Variants in ZMYM4 observed in about 807,000 individuals in gnomAD.
The protein encoded by ZMYM4 is zinc finger MYM-type protein 4.
Under a neutral mutation model 183.2 loss-of-function variants are expected in ZMYM4, and 31 were observed. The ratio of observed to expected loss-of-function variants is 0.17; its 90% CI spans 0.13 to 0.23. The LOEUF is 0.23. ZMYM4 is among the 10% of genes least tolerant of loss of function. The probability of loss-of-function intolerance (pLI) is 1.00; values close to 1 mark genes in which losing one functional copy is unlikely to be tolerated. For missense variants in ZMYM4, 1,273 were observed against 1,840.3 expected (o/e 0.69, Z 5.64); for synonymous variants, 592 against 631.2 (o/e 0.94, Z 0.93).
At chr1:35,399,418 C>CTT in intron 22 of ZMYM4, 64 bp from the exon 23 acceptor site, 1 of 1,427,528 alleles carries the variant, frequency 7.0e-7, no homozygotes, top group South Asian at 1.2e-5. Flanking sequence ...CTTTACTAGT[C>CTT]TAAGTCTTTA....
chr1:35,350,518 C>T (rs1347250601), intron 2 of ZMYM4, among the ~76,000 whole-genome samples: 1 of 152,182 alleles, frequency 6.6e-6, no homozygotes, highest in Non-Finnish European at 1.5e-5. Flanking sequence ...AACTCCTGAC[C>T]TCAGGTAATC....
chr1:35,407,998 C>A lies in ZMYM4; in HGVS notation c.3797-10C>A. ...AGTTAATGTTTCAGATGTTTTCTAC[C>A]TTTCCACAGTCCGCTCTATCAAGCT... is the stretch of plus-strand genomic sequence containing the variant. On this transcript the variant is annotated splice_polypyrimidine_tract_variant and intron_variant, in intron 25 of 29. Transcript: ENST00000314607. 6.2e-7 allele frequency: 1 copy of A among 1,614,032 alleles called. No homozygotes were observed. The highest frequency in any genetic ancestry group is 8.5e-7 in the Non-Finnish European group (1 of 1,179,966).
chr1:35,337,666 C>G (rs574222211), intron 2 of ZMYM4, among the ~76,000 whole-genome samples: 1 of 151,842 alleles, frequency 6.6e-6, no homozygotes, highest in African/African-American at 2.4e-5. Flanking sequence ...CAGATAAGGC[C>G]GGGTGTGGTG....
At chr1:35,361,168 G>A in intron 3 of ZMYM4, 26 bp from the exon 4 acceptor site, 1 of 1,559,142 alleles carries the variant, frequency 6.4e-7, no homozygotes, top group Non-Finnish European at 8.7e-7. Context: ...ACATGTGTTT[G>A]TTTGTTTTTT....
At chr1:35,299,049 T>TTTTG (rs538198933) in intron 1 of ZMYM4, among the ~76,000 whole-genome samples, 4 of 151,670 alleles carry the variant, frequency 2.6e-5, no homozygotes, top group African/African-American at 9.7e-5. Context: ...TTTTTTTTTT[T>TTTTG]AAGAAACAGA....
At chr1:35,371,765 G>C (rs1644219504) in intron 7 of ZMYM4, among the ~76,000 whole-genome samples, 1 of 152,158 alleles carries the variant, frequency 6.6e-6, no homozygotes, top group African/African-American at 2.4e-5. Context: ...ATGTTTAAAA[G>C]AAATTTAAAT....
chr1:35,355,497 A>G (rs1570424697), intron 2 of ZMYM4, among the ~76,000 whole-genome samples: 1 of 151,856 alleles, frequency 6.6e-6, no homozygotes, highest in Non-Finnish European at 1.5e-5. Flanking sequence ...TTATATGTGT[A>G]TTTGGTTATT....
At chr1:35,417,238 CAAAAAAAA>C (rs755183094) in intron 28 of ZMYM4, among the ~76,000 whole-genome samples, 2 of 83,548 alleles carry the variant, frequency 2.4e-5, no homozygotes, top group African/African-American at 4.5e-5. Flanking sequence ...CCCTGTCTCC[CAAAAAAAA>C]AAAAAAAAGA....
At chr1:35,409,141 C>G (rs974879713) in intron 26 of ZMYM4, among the ~76,000 whole-genome samples, 1 of 152,216 alleles carries the variant, frequency 6.6e-6, no homozygotes, top group Non-Finnish European at 1.5e-5. Context: ...GAATAATATT[C>G]TATCATATGG....
At position 35,393,661 on chromosome 1, in the gene ZMYM4, G is replaced by A. The variant is rs1243448637; in HGVS notation, c.2833G>A (p.Ala945Thr). Residue 945 changes from alanine (A) to threonine (T), a missense_variant, in exon 18 of 30, where the codon GCT becomes ACT. Physicochemically the swap from Ala to Thr is moderately conservative, Grantham distance 58. Transcript: ENST00000314607. ...ACCTCCAAGGCTTTTGAAGAACAAA[G>A]CTTTATTATGCAAACCCATCACACA... ...SQPPRLLKNK[A>T]LLCKPITQTK... 6.2e-7 allele frequency: 1 copy of A among 1,612,660 alleles called. No individual in the cohort carries two copies.
At chr1:35,397,117 A>G in intron 19 of ZMYM4, 1 of 1,083,668 alleles carries the variant, frequency 9.2e-7, no homozygotes, top group African/African-American at 1.6e-5. Flanking sequence ...AACAACAAAA[A>G]CAAAATGCAA....
chr1:35,280,199 CTTTCT>C (rs1211390702), intron 1 of ZMYM4, among the ~76,000 whole-genome samples: 1 of 147,004 alleles, frequency 6.8e-6, no homozygotes, highest in Non-Finnish European at 1.5e-5. Context: ...CCTTCCCTTC[CTTTCT>C]TCCCTTCCTT....
chr1:35,359,646 A>G (rs1188584880), intron 3 of ZMYM4, among the ~76,000 whole-genome samples, 200 bp downstream of exon 3: 1 of 152,018 alleles, frequency 6.6e-6, no homozygotes, highest in Non-Finnish European at 1.5e-5. Flanking sequence ...AATGGTTGAA[A>G]ATAGCTCTAA....
intron 1 of ZMYM4, among the ~76,000 whole-genome samples, chr1:35,315,450 C>T (rs911832272): frequency 4.6e-5 from 7 of 152,134 alleles, no homozygotes. Flanking sequence ...ATGTGTATTA[C>T]AGACAATAAG....
Position 35,359,000 on chromosome 1 carries a change from A to T in ZMYM4, c.161A>T (p.Tyr54Phe). The T allele has an allele frequency of 1.2e-6, 2 of 1,613,818 alleles. No homozygotes were observed. Among genetic ancestry groups the T allele is most frequent in the Admixed American group, 1.7e-5 (1 of 60,026 alleles). ...ACTCCTACCCTTGACAGCATGTCTT[A>T]TGGAATGCCGAATCAAACAGGATCT... ...NLTPTLDSMSYGMPNQTGSEN... is the reference protein window; with the variant it reads ...NLTPTLDSMSFGMPNQTGSEN... Residue 54 changes from tyrosine to phenylalanine, a missense_variant, in exon 3 of 30, where the codon TAT becomes TTT. Tyr to Phe is a conservative substitution (Grantham distance 22). This residue lies in a region of ZMYM4 where 384 missense variants were observed against 465.6 expected (regional missense o/e 0.82). Transcript: ENST00000314607.
chr1:35,285,531 A>T (rs996405255), intron 1 of ZMYM4, among the ~76,000 whole-genome samples: 2 of 152,216 alleles, frequency 1.3e-5, no homozygotes, highest in African/African-American at 4.8e-5. Flanking sequence ...ATTTGGAAAA[A>T]AAAATAAAAG....
chr1:35,305,037 G>T (rs933576031), intron 1 of ZMYM4, among the ~76,000 whole-genome samples: 1 of 152,136 alleles, frequency 6.6e-6, no homozygotes, highest in East Asian at 1.9e-4. Flanking sequence ...GTAGAGATGG[G>T]GTTTCACCAT....
At chr1:35,302,478 C>T (rs1010955265) in intron 1 of ZMYM4, among the ~76,000 whole-genome samples, 5 of 150,206 alleles carry the variant, frequency 3.3e-5, no homozygotes, top group Admixed American at 6.7e-5. Context: ...CTCCGCCTCC[C>T]GGTTTCATGC....
chr1:35,352,386 G>GCGCGCACACACACACA lies in ZMYM4; in HGVS notation c.86-6538_86-6537insGCGCACACACACACAC, dbSNP rs1231646476. ...CTCTACTAATAATTTAAAAATTAGC[G>GCGCGCACACACACACA]CACACACACACACACACACACACAC... On this transcript the variant is annotated intron_variant, in intron 2 of 29. Transcript: ENST00000314607. Among the ~76,000 whole-genome samples the GCGCGCACACACACACA allele has an allele frequency of 5.0e-4, 64 of 128,470 alleles. 2 individuals carry two copies. The East Asian group carries it at 6.0e-3, about 12-fold the overall frequency. 84.3% of individuals were successfully genotyped at this position (128,470 alleles called of 152,430 possible). A position where few individuals can be genotyped will look rare whatever the true frequency, so the allele number is the denominator to read the frequency against.
Sources: gnomAD v4.1 joint callset for allele counts (sites outside exome capture counted in the v4.1 genomes callset) on GRCh38, gnomAD v4.1.1 for gene constraint, gnomAD v4.1.1 regional missense constraint, MANE v1.5 for transcripts, NCBI Gene and HGNC (gene_info 2026-07-23, HGNC 2026-07-21) for gene names.